ARMH4: variants seen among roughly 807,000 people sequenced by gnomAD.
ARMH4 encodes the protein armadillo like helical domain containing 4, also known as armadillo-like helical domain-containing protein 4.
ARMH4 carries 49 observed loss-of-function variants against 61.9 expected under a neutral mutation model. The ratio of observed to expected loss-of-function variants is 0.79; its 90% CI spans 0.63 to 1.00. The LOEUF (loss-of-function observed/expected upper bound fraction) is 1.00, where lower values mean the gene tolerates loss of function less well. ARMH4 is among the 50% of genes least tolerant of loss of function. The pLI, the probability that ARMH4 is intolerant of heterozygous loss-of-function variation, is 0.00. For synonymous variants in ARMH4, 368 were observed against 341.5 expected (o/e 1.08, Z -0.85); for missense variants, 934 against 930.0 (o/e 1.00, Z -0.06).
rs180681247 is a variant in ARMH4 at position 58,076,192 on chromosome 14, G to A, written c.2089+20532C>T. On this transcript the variant is annotated intron_variant, in intron 5 of 7. Coordinates refer to ENST00000267485, the MANE Select transcript of ARMH4 (RefSeq NM_001001872.4). ...AAGAATTTCTTCATCATTAAGCAGAGTAAGTTTCCAGGCCAGAAGATCAAA... is the reference window on the plus strand; with the variant it reads ...AAGAATTTCTTCATCATTAAGCAGAATAAGTTTCCAGGCCAGAAGATCAAA... Among the ~76,000 whole-genome samples, 14 of 152,218 alleles carry A rather than the reference G, an allele frequency of 9.2e-5. No homozygotes were observed. The East Asian group carries it at 2.7e-3, about 29-fold the overall frequency.
At chr14:58,151,749 CA>C (rs1039478961) in intron 1 of ARMH4, among the ~76,000 whole-genome samples, 3 of 152,236 alleles carry the variant, frequency 2.0e-5, no homozygotes, top group African/African-American at 7.2e-5. Flanking sequence ...CAAAAGCAGC[CA>C]GCCCTGCAAG....
At chr14:58,102,047 C>G (rs1455039372) in intron 4 of ARMH4, among the ~76,000 whole-genome samples, 1 of 152,100 alleles carries the variant, frequency 6.6e-6, no homozygotes, top group Non-Finnish European at 1.5e-5. Flanking sequence ...GGCATGAGCA[C>G]ATGAGCTGAA....
At chr14:58,029,928 C>A (rs185818179) in intron 5 of ARMH4, among the ~76,000 whole-genome samples, 2 of 152,074 alleles carry the variant, frequency 1.3e-5, no homozygotes, top group East Asian at 3.9e-4. Flanking sequence ...ACACTACCCA[C>A]AGCAGCCAAA....
Position 58,002,633 on chromosome 14 carries a change from T to C in ARMH4, c.*2103A>G, listed in dbSNP as rs1015784114. ...CCTACGACGTATTCTCAACAAATAG[T>C]TTGTCAAGAATACAAAGACAGTAAT... On this transcript the variant is annotated 3_prime_UTR_variant, in exon 8 of 8. Transcript: ENST00000267485. 6.6e-6 allele frequency: 1 copy of C among 152,204 alleles called. No homozygotes were observed. Among genetic ancestry groups the C allele is most frequent in the African/African-American group, 2.4e-5 (1 of 41,444 alleles). 9.4% of individuals were successfully genotyped at this position (152,204 alleles called of 1,614,324 possible). A position where few individuals can be genotyped will look rare whatever the true frequency, so the allele number is the denominator to read the frequency against.
intron 5 of ARMH4, among the ~76,000 whole-genome samples, chr14:58,033,000 T>C (rs1786504538): frequency 2.2e-5 from 3 of 134,986 alleles, no homozygotes; most frequent in African/African-American, 8.3e-5. Flanking sequence ...TGCCCAGGCT[T>C]GCTTAGGTAA....
At chr14:58,064,929 A>G (rs1411770439) in intron 5 of ARMH4, among the ~76,000 whole-genome samples, 1 of 152,192 alleles carries the variant, frequency 6.6e-6, no homozygotes, top group Non-Finnish European at 1.5e-5. Flanking sequence ...TGAATTCTAC[A>G]AGTCAAACGA....
At chr14:58,061,632 A>G (rs569864434) in intron 5 of ARMH4, among the ~76,000 whole-genome samples, 1 of 152,350 alleles carries the variant, frequency 6.6e-6, no homozygotes, top group East Asian at 1.9e-4. Flanking sequence ...AAGGCTAGTG[A>G]GATAAAACGT....
intron 5 of ARMH4, among the ~76,000 whole-genome samples, chr14:58,046,752 T>C (rs1033033604): frequency 5.9e-5 from 9 of 152,358 alleles, no homozygotes; most frequent in Admixed American, 5.2e-4. Context: ...GGTCTCATCT[T>C]GCCCAGGTTT....
intron 4 of ARMH4, among the ~76,000 whole-genome samples, chr14:58,125,313 C>G (rs1035923110): frequency 5.3e-5 from 8 of 152,074 alleles, no homozygotes; most frequent in Admixed American, 3.9e-4. Context: ...TGGCTAGCCA[C>G]CGAAGAAGGA....
chr14:58,084,283 GTCTT>G (rs1235970998), intron 5 of ARMH4, among the ~76,000 whole-genome samples: 1 of 152,174 alleles, frequency 6.6e-6, no homozygotes, highest in Non-Finnish European at 1.5e-5. Context: ...TAAATGAGTT[GTCTT>G]TCTATCTCTC....
intron 5 of ARMH4, among the ~76,000 whole-genome samples, chr14:58,075,573 G>A (rs554268086): frequency 2.4e-5 from 3 of 123,962 alleles, no homozygotes; most frequent in Admixed American, 8.0e-5. Flanking sequence ...CGGACACAGG[G>A]AGGAGAACAT....
chr14:58,078,521 T>C (rs1885120342), intron 5 of ARMH4, among the ~76,000 whole-genome samples: 1 of 152,232 alleles, frequency 6.6e-6, no homozygotes, highest in African/African-American at 2.4e-5. Flanking sequence ...CCACTCACTC[T>C]TTCCTTGTTG....
intron 4 of ARMH4, among the ~76,000 whole-genome samples, chr14:58,107,488 G>A (rs1191446415): frequency 6.6e-6 from 1 of 152,106 alleles, no homozygotes; most frequent in Admixed American, 6.6e-5. Context: ...ATTAGAGGCC[G>A]GATGCAGTGG....
chr14:58,093,565 T>C (rs987340055), intron 5 of ARMH4, among the ~76,000 whole-genome samples: 1 of 152,218 alleles, frequency 6.6e-6, no homozygotes, highest in African/African-American at 2.4e-5. Context: ...AGGTTCCAGA[T>C]GTTAGGACAT....
intron 5 of ARMH4, among the ~76,000 whole-genome samples, chr14:58,095,593 C>T (rs541135758): frequency 1.3e-5 from 2 of 152,166 alleles, no homozygotes; most frequent in South Asian, 2.1e-4. Flanking sequence ...CCAATGCATG[C>T]TGAATTTGGC....
At chr14:58,010,806 T>G (rs1209391580) in intron 6 of ARMH4, among the ~76,000 whole-genome samples, 2 of 150,036 alleles carry the variant, frequency 1.3e-5, no homozygotes, top group African/African-American at 4.9e-5. Flanking sequence ...ATTTCAAAAC[T>G]GTTTACATGA....
rs1431998981 is a variant in ARMH4 at position 58,152,180 on chromosome 14, C to G, written c.-162G>C. 1 of 159,620 alleles carries G rather than the reference C, an allele frequency of 6.3e-6. No homozygotes were observed. Among genetic ancestry groups the G allele is most frequent in the East Asian group, 1.8e-4 (1 of 5,418 alleles). 9.9% of individuals were successfully genotyped at this position (159,620 alleles called of 1,614,324 possible). On this transcript the variant is annotated 5_prime_UTR_variant, in exon 1 of 8. Transcript: ENST00000267485. ...GCGGCGGCGGCGGCGGTAGCGGCGG[C>G]GACTCCCTCCGCTGTCTGGGACGCT...
At chr14:58,009,510 A>G (rs1476652307) in intron 6 of ARMH4, among the ~76,000 whole-genome samples, 1 of 152,030 alleles carries the variant, frequency 6.6e-6, no homozygotes. Context: ...CTCCAGACTT[A>G]AAAACAAGAG....
At position 58,132,379 on chromosome 14, in the gene ARMH4, T is replaced by A. The variant is rs114439887; in HGVS notation, c.1622-658A>T. ...GTGAACAAACCAAAGCTTACAGAAGTTAAGAAACTTAGCTTGAGGCTACAA... is the reference window on the plus strand; with the variant it reads ...GTGAACAAACCAAAGCTTACAGAAGATAAGAAACTTAGCTTGAGGCTACAA... On this transcript the variant is annotated intron_variant, in intron 3 of 7. Transcript: ENST00000267485. Among the ~76,000 whole-genome samples the A allele has an allele frequency of 8.5e-3, 1,290 of 152,234 alleles. 20 individuals carry two copies. The highest frequency in any genetic ancestry group is 0.029 in the African/African-American group (1,225 of 41,526).
Sources: allele counts gnomAD v4.1 joint callset (sites outside exome capture counted in the v4.1 genomes callset), GRCh38; gene constraint gnomAD v4.1.1; transcripts MANE v1.5; gene names NCBI Gene and HGNC (gene_info 2026-07-23, HGNC 2026-07-21).